SMG6: variants seen among roughly 807,000 people sequenced by gnomAD.
SMG6 encodes the protein telomerase-binding protein EST1A.
In SMG6, 66 loss-of-function variants were observed where a neutral mutation model predicts 142.2. The ratio of observed to expected loss-of-function variants is 0.46; its 90% CI spans 0.38 to 0.57. The LOEUF is 0.57. Among genes scored for constraint, SMG6 ranks in the 20% least tolerant of loss-of-function variants. SMG6 has a pLI of 0.00. For synonymous variants in SMG6, 779 were observed against 702.4 expected (o/e 1.11, Z -1.72); for missense variants, 1,793 against 1,832.0 (o/e 0.98, Z 0.39).
In SMG6 at chr17:2,123,139, G is replaced by C. The variant is rs1359817455; in HGVS notation, c.3358-37238C>G. Among the ~76,000 whole-genome samples, 7 of 152,356 alleles carry C rather than the reference G, an allele frequency of 4.6e-5. No individual in the cohort carries two copies. In the East Asian group the frequency reaches 1.4e-3, roughly 29 times the overall value. ...AGGTATGAGGAAACCCTGGCGTGTTGGCGGCTGCCTCAGGAACCGCGCTGG... is the reference window on the plus strand; with the variant it reads ...AGGTATGAGGAAACCCTGGCGTGTTCGCGGCTGCCTCAGGAACCGCGCTGG... On this transcript the variant is annotated intron_variant, in intron 13 of 18. Transcript: ENST00000263073.
chr17:2,065,226 T>C lies in SMG6; in HGVS notation c.4048-72A>G, dbSNP rs367996841. The C allele has an allele frequency of 4.2e-4, 550 of 1,308,680 alleles. 1 individual carries two copies. Among genetic ancestry groups the C allele is most frequent in the Middle Eastern group, 2.4e-3 (10 of 4,212 alleles). 81.1% of individuals were successfully genotyped at this position (1,308,680 alleles called of 1,614,324 possible). Reference sequence around the variant, plus strand: ...CCATGTGGAGGAGGAGGAGGGATCCTCTGCCTCGGGGGCCCTGGGCAGGGC... The same window carrying C: ...CCATGTGGAGGAGGAGGAGGGATCCCCTGCCTCGGGGGCCCTGGGCAGGGC... On this transcript the variant is annotated intron_variant, in intron 17 of 18. Coordinates refer to ENST00000263073, the MANE Select transcript of SMG6 (RefSeq NM_017575.5).
chr17:2,223,676 C>G (rs1012580162), intron 10 of SMG6, among the ~76,000 whole-genome samples: 1 of 152,206 alleles, frequency 6.6e-6, no homozygotes. Context: ...TCAGCTGCAG[C>G]CTTTCCTCTC....
chr17:2,194,667 G>C (rs2072263905), intron 10 of SMG6, among the ~76,000 whole-genome samples: 2 of 145,612 alleles, frequency 1.4e-5, no homozygotes, highest in South Asian at 4.3e-4. Flanking sequence ...CTGAGCAACA[G>C]AGTAAGACCC....
intron 8 of SMG6, among the ~76,000 whole-genome samples, chr17:2,245,168 C>G (rs1340313960): frequency 6.6e-6 from 1 of 152,200 alleles, no homozygotes; most frequent in Non-Finnish European, 1.5e-5. Flanking sequence ...CTTTGACAAC[C>G]AAGAGCAAGG....
intron 6 of SMG6, among the ~76,000 whole-genome samples, chr17:2,285,497 A>G (rs1407191349): frequency 6.6e-6 from 1 of 152,228 alleles, no homozygotes; most frequent in Admixed American, 6.5e-5. Context: ...AAATTCAGTT[A>G]CATTTCTATA....
intron 13 of SMG6, among the ~76,000 whole-genome samples, chr17:2,168,161 C>T (rs2071397854): frequency 6.6e-6 from 1 of 152,072 alleles, no homozygotes; most frequent in African/African-American, 2.4e-5. Context: ...AGCCACCATG[C>T]CTGGCCCTTT....
At chr17:2,262,712 C>G (rs1597735256) in intron 8 of SMG6, among the ~76,000 whole-genome samples, 1 of 152,160 alleles carries the variant, frequency 6.6e-6, no homozygotes, top group African/African-American at 2.4e-5. Flanking sequence ...ATTTATAACA[C>G]TTTATTGCAA....
intron 8 of SMG6, among the ~76,000 whole-genome samples, chr17:2,266,378 G>T (rs1335774706): frequency 6.6e-6 from 1 of 152,132 alleles, no homozygotes; most frequent in African/African-American, 2.4e-5. Context: ...GCTGGGAAAT[G>T]GCAGATTTTA....
intron 13 of SMG6, among the ~76,000 whole-genome samples, chr17:2,093,193 C>CAAA (rs530054035): frequency 3.1e-5 from 3 of 96,944 alleles, no homozygotes; most frequent in South Asian, 3.2e-4. Flanking sequence ...GACTCTGTTG[C>CAAA]AAAAAAAAAA....
At position 2,061,437 on chromosome 17, in the gene SMG6, G is replaced by T. The variant is rs572844711; in HGVS notation, c.*55C>A. On this transcript the variant is annotated 3_prime_UTR_variant, in exon 19 of 19. Coordinates refer to ENST00000263073, the MANE Select transcript of SMG6 (RefSeq NM_017575.5). ...GGGCATCTTCCGTGCTACACTGGGC[G>T]CCTGGTGGCCTTTCAGGAACGGTTC... 1 of 1,508,632 alleles carries T rather than the reference G, an allele frequency of 6.6e-7. No homozygotes were observed. Among genetic ancestry groups the T allele is most frequent in the East Asian group, 2.5e-5 (1 of 40,232 alleles). 93.5% of individuals were successfully genotyped at this position (1,508,632 alleles called of 1,614,324 possible).
At chr17:2,236,399 G>T (rs2073653961) in intron 10 of SMG6, 93 bp downstream of exon 10, 3 of 1,295,140 alleles carry the variant, frequency 2.3e-6, no homozygotes, top group African/African-American at 1.5e-5. Context: ...GGGGTGGGGG[G>T]AGGTAGGTAT....
In SMG6 at chr17:2,303,471, G is replaced by A. The variant is rs2151424446; in HGVS notation, c.88+162C>T. Reference sequence around the variant, plus strand: ...CGAGCCCGACCCCGCACTAACCCGCGAGAGAGGTAGGGCAGCGAGGGTCCG... The same window carrying A: ...CGAGCCCGACCCCGCACTAACCCGCAAGAGAGGTAGGGCAGCGAGGGTCCG... On this transcript the variant is annotated intron_variant, in intron 1 of 18. Coordinates refer to ENST00000263073, the MANE Select transcript of SMG6 (RefSeq NM_017575.5). The A allele has an allele frequency of 4.5e-6, 6 of 1,319,858 alleles. No individual in the cohort carries two copies. The East Asian group carries it at 1.6e-4, about 35-fold the overall frequency. 81.8% of individuals were successfully genotyped at this position (1,319,858 alleles called of 1,614,324 possible). A position where few individuals can be genotyped will look rare whatever the true frequency, so the allele number is the denominator to read the frequency against.
At chr17:2,250,301 A>T (rs2074018464) in intron 8 of SMG6, among the ~76,000 whole-genome samples, 1 of 152,202 alleles carries the variant, frequency 6.6e-6, no homozygotes, top group Admixed American at 6.5e-5. Flanking sequence ...AGTCAGTATT[A>T]AAGGAATTCC....
rs1287834421 is a variant in SMG6, at chr17:2,177,350, C to T, written c.3156-4491G>A. Among the ~76,000 whole-genome samples, 3 of 152,232 alleles carry T rather than the reference C, an allele frequency of 2.0e-5. No individual in the cohort carries two copies. The East Asian group carries it at 5.8e-4, about 29-fold the overall frequency. On this transcript the variant is annotated intron_variant, in intron 12 of 18. Transcript: ENST00000263073. ...CCAGCTTCATAGGGAAGGAGTCAGG[C>T]AGGACTTTTTCTGAAAGCTCCACTG... is the stretch of plus-strand genomic sequence containing the variant.
chr17:2,074,279 T>C (rs1267236615), intron 15 of SMG6, among the ~76,000 whole-genome samples: 1 of 152,034 alleles, frequency 6.6e-6, no homozygotes, highest in African/African-American at 2.4e-5. Flanking sequence ...TATATATGTA[T>C]CTTAACTATG....
At chr17:2,300,794 A>C (rs1325550487) in intron 1 of SMG6, 130 bp from the exon 2 acceptor site, 2 of 785,412 alleles carry the variant, frequency 2.5e-6, no homozygotes, top group African/African-American at 3.5e-5. Context: ...TCCAAATGCT[A>C]ATACTGGTAG....
intron 8 of SMG6, among the ~76,000 whole-genome samples, chr17:2,276,826 G>A (rs1368049085): frequency 1.3e-5 from 2 of 152,018 alleles, no homozygotes; most frequent in Non-Finnish European, 2.9e-5. Context: ...TTATTGTCCA[G>A]GCTGGAGTGC....
intron 9 of SMG6, among the ~76,000 whole-genome samples, chr17:2,238,825 T>A (rs968529253): frequency 2.4e-4 from 36 of 152,150 alleles, no homozygotes; most frequent in African/African-American, 5.1e-4. Flanking sequence ...AAAAGTTTTT[T>A]AAAAAAAATT....
chr17:2,171,936 A>G (rs1007742568), intron 13 of SMG6, among the ~76,000 whole-genome samples: 3 of 151,844 alleles, frequency 2.0e-5, no homozygotes, highest in Non-Finnish European at 4.4e-5. Context: ...GGTGGCTACT[A>G]CTTCCCTAGC....
Sources: allele counts gnomAD v4.1 joint callset (sites outside exome capture counted in the v4.1 genomes callset), GRCh38; gene constraint gnomAD v4.1.1; transcripts MANE v1.5; gene names NCBI Gene and HGNC (gene_info 2026-07-23, HGNC 2026-07-21).